DIAPH2: variants seen among roughly 807,000 people sequenced by gnomAD.
DIAPH2 encodes diaphanous related formin 2, also known as protein diaphanous homolog 2.
Under a neutral mutation model 92.7 loss-of-function variants are expected in DIAPH2, and 35 were observed. The ratio of observed to expected loss-of-function variants is 0.38; its 90% CI spans 0.29 to 0.50. The LOEUF is 0.50. Ranked by LOEUF, DIAPH2 falls within the 20% of genes least tolerant of loss-of-function variation. DIAPH2 has a pLI of 0.94. For missense variants in DIAPH2, 701 were observed against 819.5 expected, an observed-to-expected ratio of 0.86 and a Z score of 1.77; for synonymous variants, 301 against 280.4, an observed-to-expected ratio of 1.07 and a Z score of -0.73.
At chrX:96,726,494 A>G (rs1163429968) in intron 1 of DIAPH2, among the ~76,000 whole-genome samples, 1 of 112,022 alleles carries the variant, frequency 8.9e-6, no homozygotes, top group East Asian at 2.8e-4. Context: ...AGAGCAGAAC[A>G]GTTGAGTAGA....
intron 1 of DIAPH2, among the ~76,000 whole-genome samples, chrX:96,697,803 G>T (rs149423601): frequency 1.2e-4 from 13 of 110,256 alleles, no homozygotes; most frequent in African/African-American, 4.0e-4. Context: ...GTGGGACCTA[G>T]CCTAGATTTG....
intron 23 of DIAPH2, among the ~76,000 whole-genome samples, chrX:97,314,245 C>CA (rs1277986455): frequency 0.017 from 796 of 48,183 alleles, 1 homozygote; most frequent in African/African-American, 0.038. Flanking sequence ...CCTGTCTCTA[C>CA]AAAAAAAAAA....
intron 4 of DIAPH2, among the ~76,000 whole-genome samples, chrX:96,868,532 C>A (rs2065119033): frequency 8.9e-6 from 1 of 111,835 alleles, no homozygotes; most frequent in South Asian, 3.8e-4. Flanking sequence ...ATAGCCTTAT[C>A]TACCTTTGGT....
At chrX:97,182,517 G>A (rs2067548356) in intron 22 of DIAPH2, among the ~76,000 whole-genome samples, 1 of 111,497 alleles carries the variant, frequency 9.0e-6, no homozygotes, top group Non-Finnish European at 1.9e-5. Flanking sequence ...TGAATAAAAT[G>A]GATAGAGTAA....
At chrX:96,898,558 C>CT (rs2065365643) in intron 5 of DIAPH2, among the ~76,000 whole-genome samples, 3 of 102,146 alleles carry the variant, frequency 2.9e-5, no homozygotes, top group Admixed American at 1.1e-4. Context: ...CCTTCGCCCA[C>CT]TTTTTGATGG....
intron 4 of DIAPH2, among the ~76,000 whole-genome samples, chrX:96,794,044 G>C (rs1230369898): frequency 9.0e-6 from 1 of 111,591 alleles, no homozygotes; most frequent in East Asian, 2.8e-4. Context: ...AAGTTCTGGA[G>C]GCCAGGAAGT....
At chrX:97,486,171 A>G (rs1362487346) in intron 26 of DIAPH2, among the ~76,000 whole-genome samples, 1 of 111,705 alleles carries the variant, frequency 9.0e-6, no homozygotes, top group Non-Finnish European at 1.9e-5. Context: ...GGAAATGGCA[A>G]TGTCTTTCAT....
At chrX:97,349,978 T>G (rs965831478) in intron 24 of DIAPH2, among the ~76,000 whole-genome samples, 7 of 111,876 alleles carry the variant, frequency 6.3e-5, no homozygotes, top group African/African-American at 2.3e-4. Context: ...TCCAATAATT[T>G]TTTTTGTAAC....
At chrX:97,349,787 G>T (rs1443056043) in intron 24 of DIAPH2, among the ~76,000 whole-genome samples, 1 of 110,364 alleles carries the variant, frequency 9.1e-6, no homozygotes, top group Non-Finnish European at 1.9e-5. Context: ...CTGGCAATGA[G>T]AAGAGGGCTA....
chrX:97,485,157 A>G (rs887157418), intron 26 of DIAPH2, among the ~76,000 whole-genome samples: 1 of 112,254 alleles, frequency 8.9e-6, no homozygotes, highest in African/African-American at 3.2e-5. Flanking sequence ...AAGGCAATTC[A>G]CAGTGTGACT....
intron 17 of DIAPH2, among the ~76,000 whole-genome samples, chrX:97,003,963 T>C (rs2066162203): frequency 8.9e-6 from 1 of 111,894 alleles, no homozygotes; most frequent in Non-Finnish European, 1.9e-5. Flanking sequence ...TTGATTTTTA[T>C]ATATAGTGAG....
chrX:97,461,972 G>GA (rs1463484303), intron 26 of DIAPH2, among the ~76,000 whole-genome samples: 1 of 111,319 alleles, frequency 9.0e-6, no homozygotes, highest in African/African-American at 3.3e-5. Context: ...AGCTTTTTAA[G>GA]AAAAAAGCTC....
intron 13 of DIAPH2, among the ~76,000 whole-genome samples, chrX:96,943,352 A>G (rs1736115630): frequency 9.0e-6 from 1 of 110,917 alleles, no homozygotes; most frequent in Non-Finnish European, 1.9e-5. Context: ...TTTTCTCACT[A>G]TTTCCTTAGG....
chrX:96,724,365 C>T (rs1045358413), intron 1 of DIAPH2, among the ~76,000 whole-genome samples: 3 of 111,900 alleles, frequency 2.7e-5, no homozygotes, highest in Admixed American at 9.5e-5. Flanking sequence ...AACCAAATTA[C>T]GCAGCAGTGA....
chrX:97,274,635 T>G (rs1367358882), intron 23 of DIAPH2, among the ~76,000 whole-genome samples: 1 of 109,340 alleles, frequency 9.1e-6, no homozygotes, highest in Non-Finnish European at 1.9e-5. Flanking sequence ...TTTTTTTTGT[T>G]TTTTTTTTGT....
intron 17 of DIAPH2, among the ~76,000 whole-genome samples, chrX:96,987,147 T>A (rs192922826): frequency 9.2e-4 from 101 of 109,840 alleles, no homozygotes; most frequent in African/African-American, 3.1e-3. Context: ...ATAATCAACA[T>A]AGGGATAAAT....
intron 26 of DIAPH2, among the ~76,000 whole-genome samples, chrX:97,482,782 G>A (rs2147817184): frequency 8.9e-6 from 1 of 111,865 alleles, no homozygotes; most frequent in South Asian, 3.8e-4. Context: ...TGATTTGATG[G>A]TCCAGCTTGA....
rs185187427 is a variant in DIAPH2 at position 97,019,382 on chromosome X, C to A, written c.2051-53559C>A. Among the ~76,000 whole-genome samples, 40 of 110,581 alleles carry A rather than the reference C, an allele frequency of 3.6e-4. 1 individual carries two copies. The East Asian group carries it at 0.011, about 31-fold the overall frequency. ...CTAATCACAATCCCTTTGTTCTTAA[C>A]CCACTCTTATCATTGATTTGAGGGT... is the stretch of plus-strand genomic sequence containing the variant. On this transcript the variant is annotated intron_variant, in intron 17 of 26. Transcript: ENST00000324765.
At chrX:97,439,638 T>C (rs756818121) in intron 26 of DIAPH2, among the ~76,000 whole-genome samples, 1 of 108,116 alleles carries the variant, frequency 9.2e-6, no homozygotes, top group Non-Finnish European at 1.9e-5. Context: ...TCCGAGCTAC[T>C]CAGGAGGCTG....
Sources: allele counts gnomAD v4.1 joint callset (sites outside exome capture counted in the v4.1 genomes callset), GRCh38; gene constraint gnomAD v4.1.1; transcripts MANE v1.5; gene names NCBI Gene and HGNC (gene_info 2026-07-23, HGNC 2026-07-21).